Variants in CHSY3 observed in about 807,000 individuals in gnomAD.
CHSY3 encodes chondroitin sulfate synthase 3.
CHSY3 carries 35 observed loss-of-function variants against 67.2 expected under a neutral mutation model. That is an observed-to-expected ratio of 0.52 (90% CI 0.40 to 0.69). The LOEUF (loss-of-function observed/expected upper bound fraction) is 0.69, where lower values mean the gene tolerates loss of function less well. Ranked by LOEUF, CHSY3 falls within the 30% of genes least tolerant of loss-of-function variation. CHSY3 has a pLI of 0.00. For missense variants in CHSY3, 1,069 were observed against 1,138.5 expected, an observed-to-expected ratio of 0.94 and a Z score of 0.88; for synonymous variants, 474 against 434.7, an observed-to-expected ratio of 1.09 and a Z score of -1.12.
chr5:129,960,083 A>ATT (rs1762287489), intron 2 of CHSY3, among the ~76,000 whole-genome samples: 2 of 152,000 alleles, frequency 1.3e-5, no homozygotes, highest in South Asian at 4.1e-4. Context: ...CACCAGTAGA[A>ATT]TTTTCCCTCC....
At chr5:130,181,452 TTC>T (rs200038018) in intron 2 of CHSY3, among the ~76,000 whole-genome samples, 1 of 151,608 alleles carries the variant, frequency 6.6e-6, no homozygotes, top group African/African-American at 2.4e-5. Context: ...CTCTGATATC[TTC>T]TCTCTCTCTC....
At chr5:130,069,199 T>G (rs1443550503) in intron 2 of CHSY3, among the ~76,000 whole-genome samples, 1 of 152,074 alleles carries the variant, frequency 6.6e-6, no homozygotes, top group East Asian at 1.9e-4. Context: ...ATACTTAGCC[T>G]GTGGTCGGTC....
intron 2 of CHSY3, among the ~76,000 whole-genome samples, chr5:129,932,103 C>CAT (rs33960181): frequency 0.048 from 5,419 of 112,288 alleles, 188 homozygotes; most frequent in South Asian, 0.054. Context: ...ACCATAAAAC[C>CAT]ATATATATAT....
intron 2 of CHSY3, among the ~76,000 whole-genome samples, chr5:130,094,086 T>C (rs775864136): frequency 2.0e-5 from 3 of 152,142 alleles, no homozygotes; most frequent in Non-Finnish European, 4.4e-5. Context: ...TCGGTAGGGA[T>C]AGACAGTGGC....
At chr5:129,970,426 AT>A (rs1762606529) in intron 2 of CHSY3, among the ~76,000 whole-genome samples, 1 of 151,404 alleles carries the variant, frequency 6.6e-6, no homozygotes, top group South Asian at 2.1e-4. Context: ...AGATAGATAG[AT>A]AGATAGATAG....
chr5:129,994,621 G>A (rs7719980), intron 2 of CHSY3, among the ~76,000 whole-genome samples: 84,187 of 151,706 alleles, frequency 0.55, 23,507 homozygotes, highest in Middle Eastern at 0.59. Flanking sequence ...GGCACTATTC[G>A]CAATAGCAAA....
At chr5:129,909,435 G>A (rs915841017) in intron 2 of CHSY3, among the ~76,000 whole-genome samples, 3 of 151,708 alleles carry the variant, frequency 2.0e-5, no homozygotes, top group African/African-American at 7.3e-5. Context: ...TTTTTGTATT[G>A]TAAGTGTAGT....
intron 2 of CHSY3, among the ~76,000 whole-genome samples, chr5:129,989,218 A>G (rs1242290404): frequency 6.6e-6 from 1 of 151,862 alleles, no homozygotes; most frequent in African/African-American, 2.4e-5. Flanking sequence ...CCATAGAGGA[A>G]AGGCAAAAAG....
At chr5:130,042,217 C>A (rs1048626334) in intron 2 of CHSY3, among the ~76,000 whole-genome samples, 2 of 152,116 alleles carry the variant, frequency 1.3e-5, no homozygotes, top group African/African-American at 4.8e-5. Context: ...GCCTTGGGGG[C>A]AGAGTGAGAC....
At chr5:130,128,575 G>A (rs892163115) in intron 2 of CHSY3, among the ~76,000 whole-genome samples, 1 of 152,006 alleles carries the variant, frequency 6.6e-6, no homozygotes, top group East Asian at 1.9e-4. Flanking sequence ...AAGATAAGTG[G>A]AGATCCTTTA....
intron 2 of CHSY3, among the ~76,000 whole-genome samples, chr5:130,112,584 AGT>A (rs1242373070): frequency 6.6e-6 from 1 of 152,140 alleles, no homozygotes; most frequent in Non-Finnish European, 1.5e-5. Flanking sequence ...CCTATAGAAT[AGT>A]CTTTTTAATT....
intron 2 of CHSY3, among the ~76,000 whole-genome samples, chr5:130,063,048 C>T (rs1334162896): frequency 6.6e-6 from 1 of 152,006 alleles, no homozygotes; most frequent in African/African-American, 2.4e-5. Flanking sequence ...TGTTAAGATT[C>T]AGCAGTAGAA....
intron 2 of CHSY3, among the ~76,000 whole-genome samples, chr5:130,183,398 T>C (rs1024741449): frequency 1.3e-5 from 2 of 152,060 alleles, no homozygotes; most frequent in Non-Finnish European, 2.9e-5. Context: ...CACCTTATCT[T>C]ACCAAGAACT....
chr5:130,169,295 A>C (rs926137181), intron 2 of CHSY3, among the ~76,000 whole-genome samples: 1 of 152,132 alleles, frequency 6.6e-6, no homozygotes, highest in Non-Finnish European at 1.5e-5. Flanking sequence ...TGTGATACCT[A>C]ATTTCCATTT....
chr5:129,911,192 T>C (rs890209043), intron 2 of CHSY3, among the ~76,000 whole-genome samples: 21 of 151,832 alleles, frequency 1.4e-4, no homozygotes, highest in African/African-American at 4.8e-4. Context: ...ATAGTTTCCT[T>C]GAATATAAGT....
chr5:130,060,662 TAAAGACTCCTCCA>T (rs1409824419), intron 2 of CHSY3, among the ~76,000 whole-genome samples: 1 of 152,056 alleles, frequency 6.6e-6, no homozygotes, highest in Non-Finnish European at 1.5e-5. Context: ...CTAGAGAAGC[TAAAGACTCCTCCA>T]AAAGACTCCT....
At chr5:129,964,202 G>A (rs1015867712) in intron 2 of CHSY3, among the ~76,000 whole-genome samples, 2 of 151,846 alleles carry the variant, frequency 1.3e-5, no homozygotes, top group Non-Finnish European at 1.5e-5. Context: ...CTTTCTGGCT[G>A]TGTGATCCTA....
At chr5:130,088,083 TC>T (rs1450656395) in intron 2 of CHSY3, among the ~76,000 whole-genome samples, 1 of 152,084 alleles carries the variant, frequency 6.6e-6, no homozygotes, top group Non-Finnish European at 1.5e-5. Flanking sequence ...AACTATCTGA[TC>T]TTTGACAAAC....
intron 2 of CHSY3, among the ~76,000 whole-genome samples, chr5:130,000,277 A>T (rs1763681995): frequency 6.6e-6 from 1 of 152,226 alleles, no homozygotes; most frequent in Admixed American, 6.5e-5. Flanking sequence ...GCTGCACTAT[A>T]AAAATAACAC....
Sources: allele counts gnomAD v4.1 joint callset (sites outside exome capture counted in the v4.1 genomes callset), GRCh38; gene constraint gnomAD v4.1.1; transcripts MANE v1.5; gene names NCBI Gene and HGNC (gene_info 2026-07-23, HGNC 2026-07-21).